Variants in CHRDL2 observed in about 807,000 individuals in gnomAD.
The protein encoded by CHRDL2 is chordin-like protein 2.
In CHRDL2, 41 loss-of-function variants were observed where a neutral mutation model predicts 54.3. The observed-to-expected ratio is 0.76, with a 90% CI of 0.59 to 0.98. The LOEUF is 0.98. CHRDL2 is among the 50% of genes least tolerant of loss of function. The pLI is 0.00. For synonymous variants in CHRDL2, 220 were observed against 224.3 expected, an observed-to-expected ratio of 0.98 and a Z score of 0.17; for missense variants, 518 against 562.4, an observed-to-expected ratio of 0.92 and a Z score of 0.80.
intron 2 of CHRDL2, 51 bp downstream of exon 2, chr11:74,718,669 G>T: frequency 7.9e-7 from 1 of 1,263,688 alleles, no homozygotes; most frequent in Non-Finnish European, 1.1e-6. Context: ...CTTCTCTGGA[G>T]GGTTCTCAGA....
intron 5 of CHRDL2, 120 bp from the exon 6 acceptor site, chr11:74,706,662 C>T: frequency 2.3e-6 from 2 of 869,208 alleles, no homozygotes; most frequent in Non-Finnish European, 3.7e-6. Flanking sequence ...ATCTGCAGCC[C>T]CAGCCCACTA....
Position 74,730,916 on chromosome 11 carries a change from C to T in CHRDL2, c.-28G>A, listed in dbSNP as rs201197716. On this transcript the variant is annotated 5_prime_UTR_variant, in exon 1 of 11. Transcript: ENST00000376332. Reference sequence around the variant, plus strand: ...TTTCCCCAGGGTCAGGCCGCTGGTCCGGGAGCGGAGTCGGGAGGAAGGGAG... The same window carrying T: ...TTTCCCCAGGGTCAGGCCGCTGGTCTGGGAGCGGAGTCGGGAGGAAGGGAG... The T allele has an allele frequency of 6.3e-6, 10 of 1,582,804 alleles. No individual in the cohort carries two copies. The highest frequency in any genetic ancestry group is 2.3e-5 in the East Asian group (1 of 43,982).
intron 7 of CHRDL2, 82 bp from the exon 8 acceptor site, chr11:74,703,581 G>A: frequency 7.8e-6 from 10 of 1,277,698 alleles, no homozygotes; most frequent in Non-Finnish European, 1.1e-5. Flanking sequence ...GGTGGGGTGG[G>A]CCCTTGGGGA....
At chr11:74,728,350 T>G (rs2034601797) in intron 1 of CHRDL2, among the ~76,000 whole-genome samples, 1 of 152,182 alleles carries the variant, frequency 6.6e-6, no homozygotes, top group Non-Finnish European at 1.5e-5. Flanking sequence ...TAAACTAAGA[T>G]GAGGACCTTT....
At chr11:74,725,033 C>T (rs1240606798) in intron 1 of CHRDL2, among the ~76,000 whole-genome samples, 1 of 151,354 alleles carries the variant, frequency 6.6e-6, no homozygotes, top group African/African-American at 2.4e-5. Context: ...CTTGCTCTGT[C>T]ACCAGGCTGT....
chr11:74,728,583 A>G (rs2034606255), intron 1 of CHRDL2, among the ~76,000 whole-genome samples: 1 of 152,000 alleles, frequency 6.6e-6, no homozygotes. Flanking sequence ...CATGTTCCCC[A>G]GGCTAGCCTT....
At chr11:74,703,767 A>G (rs1350866266) in intron 7 of CHRDL2, among the ~76,000 whole-genome samples, 1 of 152,252 alleles carries the variant, frequency 6.6e-6, no homozygotes, top group Non-Finnish European at 1.5e-5. Context: ...CTTCTGCGGG[A>G]GCAAGGAGAG....
At chr11:74,720,670 T>C (rs917912143) in intron 1 of CHRDL2, among the ~76,000 whole-genome samples, 1 of 152,198 alleles carries the variant, frequency 6.6e-6, no homozygotes, top group Non-Finnish European at 1.5e-5. Context: ...CACATTCTCT[T>C]AGACTTTGAA....
Position 74,731,018 on chromosome 11 carries a change from G to A in CHRDL2, c.-130C>T. ...GAGGTCTGCTGCTAGAGCGGGGTCG[G>A]AGAAGGGCCAGGAAGCAGCGGTGGG... On this transcript the variant is annotated 5_prime_UTR_variant, in exon 1 of 11. Coordinates refer to ENST00000376332, the MANE Select transcript of CHRDL2 (RefSeq NM_001278473.3). This position sits in a 1 kb window ranked among gnomAD's most constrained non-coding sequence, Gnocchi z 4.4. 1 of 707,802 alleles carries A rather than the reference G, an allele frequency of 1.4e-6. No homozygotes were observed. Among genetic ancestry groups the A allele is most frequent in the Non-Finnish European group, 2.4e-6 (1 of 422,344 alleles). 43.8% of individuals were successfully genotyped at this position (707,802 alleles called of 1,614,324 possible).
chr11:74,710,786 C>T, intron 4 of CHRDL2, 63 bp downstream of exon 4: 3 of 1,574,096 alleles, frequency 1.9e-6, no homozygotes, highest in Non-Finnish European at 2.6e-6. Context: ...GCAGTCCAGG[C>T]TACTATGTTC....
At chr11:74,715,698 G>A (rs1265301381) in intron 2 of CHRDL2, among the ~76,000 whole-genome samples, 2 of 151,550 alleles carry the variant, frequency 1.3e-5, no homozygotes, top group Non-Finnish European at 1.5e-5. Context: ...AAAATAGAGG[G>A]CCTGGCGTGG....
Position 74,696,460 on chromosome 11 carries a change from T to C in CHRDL2, c.*49A>G. On this transcript the variant is annotated 3_prime_UTR_variant, in exon 11 of 11. Transcript: ENST00000376332. ...TAATGCAACTTCTTATTTATTAATATATAATAACAACAATTATACAGCTCA... is the reference window on the plus strand; with the variant it reads ...TAATGCAACTTCTTATTTATTAATACATAATAACAACAATTATACAGCTCA... 1 of 1,427,248 alleles carries C rather than the reference T, an allele frequency of 7.0e-7. No individual in the cohort carries two copies. Among genetic ancestry groups the C allele is most frequent in the East Asian group, 2.3e-5 (1 of 43,696 alleles). The allele number at this position is 1,427,248 out of a possible 1,614,324, so 88.4% of individuals were successfully genotyped here.
chr11:74,718,734 A>G lies in CHRDL2; in HGVS notation c.181T>C (p.Cys61Arg), dbSNP rs2034427305. The change falls in exon 2 of 11, where the codon TGT becomes CGT. Residue 61 changes from cysteine to arginine, a missense_variant. By Grantham distance (180) the Cys-to-Arg change is radical (BLOSUM62 -3). Coordinates refer to ENST00000376332, the MANE Select transcript of CHRDL2 (RefSeq NM_001278473.3). ...GAGGAACCTACCTCTGAGCAGGTAC[A>G]GCGCAGGCAGTACATCAGGCCTTGT... Reference protein sequence around the residue: ...EPQGLMYCLRCTCSEGAHVSC... With the variant: ...EPQGLMYCLRRTCSEGAHVSC... 1 of 1,610,176 alleles carries G rather than the reference A, an allele frequency of 6.2e-7. No individual in the cohort carries two copies. The highest frequency in any genetic ancestry group is 8.5e-7 in the Non-Finnish European group (1 of 1,176,636).
intron 1 of CHRDL2, among the ~76,000 whole-genome samples, chr11:74,723,209 TG>T (rs1431619480): frequency 6.6e-6 from 1 of 152,110 alleles, no homozygotes; most frequent in African/African-American, 2.4e-5. Flanking sequence ...GGATAGGATA[TG>T]GGTGGAGAAG....
intron 9 of CHRDL2, among the ~76,000 whole-genome samples, chr11:74,700,214 A>C (rs762373140): frequency 8.5e-5 from 13 of 152,196 alleles, no homozygotes; most frequent in Non-Finnish European, 1.9e-4. Context: ...TAGGTTTCTT[A>C]AGAGGATTAA....
intron 1 of CHRDL2, among the ~76,000 whole-genome samples, chr11:74,721,378 G>A (rs1042553669): frequency 2.0e-5 from 3 of 152,180 alleles, no homozygotes; most frequent in Non-Finnish European, 2.9e-5. Flanking sequence ...TCACCTCACC[G>A]CCTGCTCAGA....
intron 1 of CHRDL2, 41 bp downstream of exon 1, chr11:74,730,766 C>G (rs374352740): frequency 1.3e-6 from 2 of 1,541,204 alleles, no homozygotes; most frequent in Non-Finnish European, 1.8e-6. Flanking sequence ...TTCCAGGGGC[C>G]GCATCCCTCC....
intron 3 of CHRDL2, among the ~76,000 whole-genome samples, chr11:74,711,363 G>A (rs2034187737): frequency 6.6e-6 from 1 of 152,236 alleles, no homozygotes; most frequent in Non-Finnish European, 1.5e-5. Flanking sequence ...GCCAGGCACT[G>A]TTCTAGGTGC....
chr11:74,722,077 G>A (rs1375245310), intron 1 of CHRDL2, among the ~76,000 whole-genome samples: 1 of 152,162 alleles, frequency 6.6e-6, no homozygotes, highest in Non-Finnish European at 1.5e-5. Flanking sequence ...AGTGGGTTAG[G>A]ATGAAGTTCA....
Sources: allele counts gnomAD v4.1 joint callset (sites outside exome capture counted in the v4.1 genomes callset), GRCh38; gene constraint gnomAD v4.1.1; non-coding constraint Gnocchi (gnomAD v3.1); transcripts MANE v1.5; gene names NCBI Gene and HGNC (gene_info 2026-07-23, HGNC 2026-07-21).